The following HECW1 variants were observed in gnomAD, a reference collection of about 807,000 sequenced individuals.
The protein encoded by HECW1 is E3 ubiquitin-protein ligase HECW1.
Under a neutral mutation model 182.3 loss-of-function variants are expected in HECW1, and 61 were observed. The observed-to-expected ratio is 0.33, with a 90% CI of 0.27 to 0.41. The LOEUF (loss-of-function observed/expected upper bound fraction) is 0.41. HECW1 is among the 10% of genes least tolerant of loss of function. The probability of loss-of-function intolerance (pLI) is 1.00; values close to 1 mark genes in which losing one functional copy is unlikely to be tolerated. For missense variants in HECW1, 1,739 were observed against 2,108.9 expected (o/e 0.82, Z 3.44); for synonymous variants, 859 against 832.6 (o/e 1.03, Z -0.55).
intron 5 of HECW1, among the ~76,000 whole-genome samples, chr7:43,334,144 A>G (rs1811835804): frequency 6.6e-6 from 1 of 152,226 alleles, no homozygotes; most frequent in South Asian, 2.1e-4. Flanking sequence ...GGAGCTTCAG[A>G]AAGTCCTGCC....
intron 5 of HECW1, among the ~76,000 whole-genome samples, chr7:43,326,774 C>A (rs1289246055): frequency 1.3e-5 from 2 of 152,214 alleles, no homozygotes; most frequent in East Asian, 3.8e-4. Context: ...GCTCTGCAGC[C>A]AAAGCTGGAG....
At chr7:43,231,520 A>C (rs1797873170) in intron 2 of HECW1, among the ~76,000 whole-genome samples, 1 of 152,166 alleles carries the variant, frequency 6.6e-6, no homozygotes, top group Non-Finnish European at 1.5e-5. Context: ...ATTGAAAAGG[A>C]CCCAAGATAG....
intron 22 of HECW1, among the ~76,000 whole-genome samples, chr7:43,507,491 C>G (rs2079633822): frequency 6.6e-6 from 1 of 152,202 alleles, no homozygotes; most frequent in Admixed American, 6.5e-5. Flanking sequence ...TGAGAAAGAA[C>G]AGAAGATTTT....
At chr7:43,154,173 A>T (rs2107270) in intron 2 of HECW1, among the ~76,000 whole-genome samples, 1 of 152,026 alleles carries the variant, frequency 6.6e-6, no homozygotes, top group South Asian at 2.1e-4. Context: ...TCCAAGTAGT[A>T]ATGTGTTTAC....
rs2081962721 is a variant in HECW1 at position 43,554,677 on chromosome 7, G to A, written c.4596G>A (p.Gln1532=). 6.2e-7 allele frequency: 1 copy of A among 1,614,112 alleles called. No homozygotes were observed. Among genetic ancestry groups the A allele is most frequent in the Non-Finnish European group, 8.5e-7 (1 of 1,179,996 alleles). Residue 1532 remains glutamine, a synonymous_variant, in exon 29 of 30, where the codon CAG becomes CAA. Coordinates refer to ENST00000395891, the MANE Select transcript of HECW1 (RefSeq NM_015052.5). The stretch of plus-strand genomic sequence containing the variant: ...ATGAGCAGAGGCTGAGATTACTGCA[G>A]TTTGTCACGGGAACATCCAGCGTGC... ...FNNEQRLRLL[Q]FVTGTSSVPY...
At chr7:43,550,636 T>G in intron 27 of HECW1, 45 bp downstream of exon 27, 1 of 1,546,306 alleles carries the variant, frequency 6.5e-7, no homozygotes, top group Non-Finnish European at 8.7e-7. Context: ...GCCAGGGTGC[T>G]GCTTCACGGG....
At chr7:43,521,815 G>T (rs181059744) in intron 24 of HECW1, among the ~76,000 whole-genome samples, 1 of 152,240 alleles carries the variant, frequency 6.6e-6, no homozygotes, top group Admixed American at 6.5e-5. Flanking sequence ...GGCAGAGGTT[G>T]CAGTGAGCCT....
chr7:43,444,449 G>A lies in HECW1; in HGVS notation c.1277G>A (p.Gly426Glu), dbSNP rs780265933. 6.2e-7 allele frequency: 1 copy of A among 1,613,770 alleles called. No individual in the cohort carries two copies. The highest frequency in any genetic ancestry group is 1.1e-5 in the South Asian group (1 of 91,020). Residue 426 changes from glycine to glutamate, a missense_variant, in exon 11 of 30, where the codon GGA (glycine) becomes GAA (glutamate). By Grantham distance (98) the Gly-to-Glu change is moderately conservative (BLOSUM62 -2). Coordinates refer to ENST00000395891, the MANE Select transcript of HECW1 (RefSeq NM_015052.5). This position sits in a 1 kb window ranked among gnomAD's most constrained non-coding sequence, Gnocchi z 4.3. ...GAAGCAGCAGTCATCACGGAGGCAG[G>A]AGACCAGGGCATGGTCTCTGTGGGA... The part of the protein sequence containing the change: ...AEEAAVITEA[G>E]DQGMVSVGPE...
intron 3 of HECW1, among the ~76,000 whole-genome samples, chr7:43,262,713 T>C (rs1248035974): frequency 6.6e-6 from 1 of 152,232 alleles, no homozygotes; most frequent in Non-Finnish European, 1.5e-5. Context: ...CCATTTAAAA[T>C]GCCATTTCCT....
intron 5 of HECW1, among the ~76,000 whole-genome samples, chr7:43,354,503 A>G (rs1814859758): frequency 6.6e-6 from 1 of 152,218 alleles, no homozygotes; most frequent in Non-Finnish European, 1.5e-5. Context: ...GAACTGAGAA[A>G]TATATTTGCT....
intron 24 of HECW1, among the ~76,000 whole-genome samples, chr7:43,531,427 A>G (rs1161101179): frequency 6.6e-6 from 1 of 152,194 alleles, no homozygotes; most frequent in Non-Finnish European, 1.5e-5. Flanking sequence ...GGATCTTCCT[A>G]TGCACCTGGC....
At chr7:43,548,326 C>T (rs1364129926) in intron 26 of HECW1, among the ~76,000 whole-genome samples, 1 of 151,480 alleles carries the variant, frequency 6.6e-6, no homozygotes, top group African/African-American at 2.4e-5. Context: ...TGTTGTAAGT[C>T]TCCAAAAAAA....
chr7:43,396,641 G>A (rs1322234596), intron 6 of HECW1, 173 bp from the exon 7 acceptor site: 4 of 546,972 alleles, frequency 7.3e-6, no homozygotes, highest in East Asian at 3.0e-5. Context: ...TCTACTACTG[G>A]GAAAAACATT....
chr7:43,481,681 G>GT (rs2078439286), intron 17 of HECW1, among the ~76,000 whole-genome samples: 1 of 152,068 alleles, frequency 6.6e-6, no homozygotes, highest in Admixed American at 6.6e-5. Flanking sequence ...AGTGCCATCT[G>GT]TATCAGTTAA....
Position 43,535,698 on chromosome 7 carries a change from T to C in HECW1, c.4020-5465T>C, listed in dbSNP as rs116012852. 8.9e-3 allele frequency among the ~76,000 whole-genome samples: 1,357 copies of C among 152,328 alleles called. 13 individuals are homozygous for C. Among genetic ancestry groups the C allele is most frequent in the African/African-American group, 0.031 (1,286 of 41,568 alleles). On this transcript the variant is annotated intron_variant, in intron 24 of 29. Transcript: ENST00000395891. ...TTGCATGTATCGAGGGTGTCCGTAC[T>C]GTACCGTGGTGGGAACATGATGGCA...
At chr7:43,236,043 A>G (rs1798303272) in intron 2 of HECW1, among the ~76,000 whole-genome samples, 1 of 152,176 alleles carries the variant, frequency 6.6e-6, no homozygotes, top group Non-Finnish European at 1.5e-5. Flanking sequence ...ATGAGAAATT[A>G]AAATTAATGA....
intron 21 of HECW1, among the ~76,000 whole-genome samples, chr7:43,504,835 C>T (rs562615267): frequency 1.4e-4 from 22 of 152,322 alleles, no homozygotes; most frequent in Non-Finnish European, 3.1e-4. Context: ...TCTTCAAAGG[C>T]CTGCCCACAA....
intron 2 of HECW1, among the ~76,000 whole-genome samples, chr7:43,131,201 G>T (rs1376802981): frequency 6.6e-6 from 1 of 152,212 alleles, no homozygotes; most frequent in African/African-American, 2.4e-5. Flanking sequence ...AGGAGCAGAG[G>T]TTGCGGTGAG....
At chr7:43,511,913 C>G (rs2079892893) in intron 24 of HECW1, 1 of 188,570 alleles carries the variant, frequency 5.3e-6, no homozygotes, top group South Asian at 2.0e-4. Context: ...GTGGCACCTG[C>G]CTGAAGACCT....
Sources: gnomAD v4.1 joint callset for allele counts (sites outside exome capture counted in the v4.1 genomes callset) on GRCh38, gnomAD v4.1.1 for gene constraint, Gnocchi (gnomAD v3.1) non-coding constraint, MANE v1.5 for transcripts, NCBI Gene and HGNC (gene_info 2026-07-23, HGNC 2026-07-21) for gene names.